The following UNC13C variants were observed in gnomAD, a reference collection of about 807,000 sequenced individuals.
UNC13C encodes unc-13 homolog C, also known as protein unc-13 homolog C.
UNC13C carries 174 observed loss-of-function variants against 245.4 expected under a neutral mutation model. That is an observed-to-expected ratio of 0.71 (90% CI 0.63 to 0.80). The LOEUF is 0.80. Ranked by LOEUF, UNC13C falls within the 30% of genes least tolerant of loss-of-function variation. UNC13C has a pLI of 0.00. For synonymous variants in UNC13C, 992 were observed against 895.1 expected, an observed-to-expected ratio of 1.11 and a Z score of -1.93; for missense variants, 2,829 against 2,602.9, an observed-to-expected ratio of 1.09 and a Z score of -1.89.
chr15:54,120,105 A>G (rs141502118), intron 2 of UNC13C, among the ~76,000 whole-genome samples: 3 of 152,328 alleles, frequency 2.0e-5, no homozygotes, highest in Middle Eastern at 3.4e-3. Flanking sequence ...ACTACACTAA[A>G]CAACAGATTT....
At position 54,088,987 on chromosome 15, in the gene UNC13C, C is replaced by G. The variant is rs1447474120; in HGVS notation, c.2984-54031C>G. Among the ~76,000 whole-genome samples, 6 of 152,166 alleles carry G rather than the reference C, an allele frequency of 3.9e-5. No individual in the cohort carries two copies. The South Asian group carries it at 1.2e-3, about 32-fold the overall frequency. On this transcript the variant is annotated intron_variant, in intron 2 of 32. Coordinates refer to ENST00000260323, the MANE Select transcript of UNC13C (RefSeq NM_001080534.3). ...GAACATCCACATGAAGTTCCAGAAACTTGATGCTGGCCTTGGCAATGTCAT... is the reference window on the plus strand; with the variant it reads ...GAACATCCACATGAAGTTCCAGAAAGTTGATGCTGGCCTTGGCAATGTCAT...
chr15:54,159,562 G>A (rs1156781811), intron 4 of UNC13C, among the ~76,000 whole-genome samples: 1 of 152,128 alleles, frequency 6.6e-6, no homozygotes, highest in Non-Finnish European at 1.5e-5. Context: ...GAACTGCAAA[G>A]AAAAAACAGG....
intron 25 of UNC13C, among the ~76,000 whole-genome samples, chr15:54,526,319 T>C (rs1266512717): frequency 6.6e-6 from 1 of 152,222 alleles, no homozygotes; most frequent in Non-Finnish European, 1.5e-5. Context: ...TTAAAATAGC[T>C]AGGAAAGAAA....
At chr15:54,427,721 A>G (rs1313997756) in intron 19 of UNC13C, among the ~76,000 whole-genome samples, 1 of 151,800 alleles carries the variant, frequency 6.6e-6, no homozygotes, top group Non-Finnish European at 1.5e-5. Context: ...GTAGCTTATT[A>G]TATTTTACTA....
chr15:54,558,505 G>A (rs776920048), intron 29 of UNC13C, among the ~76,000 whole-genome samples: 6 of 151,992 alleles, frequency 3.9e-5, no homozygotes, highest in South Asian at 2.1e-4. Context: ...AAAATACCAC[G>A]TCAATTACTT....
At chr15:54,222,705 AC>A (rs2035261536) in intron 4 of UNC13C, among the ~76,000 whole-genome samples, 2 of 152,090 alleles carry the variant, frequency 1.3e-5, no homozygotes, top group South Asian at 4.1e-4. Flanking sequence ...TTACAATCCC[AC>A]CATCAGTGAA....
intron 2 of UNC13C, among the ~76,000 whole-genome samples, chr15:54,106,510 A>G (rs1054686064): frequency 3.9e-5 from 6 of 152,206 alleles, no homozygotes; most frequent in Non-Finnish European, 7.3e-5. Flanking sequence ...TTTCTCAGTA[A>G]CACTTAAGTA....
chr15:54,115,410 A>C (rs1015090502), intron 2 of UNC13C, among the ~76,000 whole-genome samples: 2 of 152,082 alleles, frequency 1.3e-5, no homozygotes, highest in Admixed American at 6.5e-5. Flanking sequence ...ATTTTATAAT[A>C]AGTCAGTTCC....
intron 30 of UNC13C, among the ~76,000 whole-genome samples, chr15:54,587,271 C>T (rs776122198): frequency 5.3e-5 from 8 of 152,164 alleles, no homozygotes; most frequent in South Asian, 2.1e-4. Context: ...TACACAAATA[C>T]GAGGTGAAAT....
intron 13 of UNC13C, among the ~76,000 whole-genome samples, chr15:54,309,118 A>G (rs2037801075): frequency 6.6e-6 from 1 of 151,868 alleles, no homozygotes; most frequent in South Asian, 2.1e-4. Context: ...TTACATTACC[A>G]TCAACAGTGT....
the UNC13C span, among the ~76,000 whole-genome samples, chr15:53,930,379 A>C: frequency 6.6e-6 from 1 of 152,196 alleles, no homozygotes; most frequent in Non-Finnish European, 1.5e-5. Context: ...GAGGGGAAAT[A>C]ATCTTTACCT....
At chr15:54,496,006 A>G (rs766777776) in intron 20 of UNC13C, among the ~76,000 whole-genome samples, 10 of 152,156 alleles carry the variant, frequency 6.6e-5, no homozygotes, top group Middle Eastern at 6.8e-3. Flanking sequence ...TCTATTATAC[A>G]ACATGGTGAC....
chr15:54,230,006 A>G (rs952252571), intron 4 of UNC13C, among the ~76,000 whole-genome samples: 2 of 152,002 alleles, frequency 1.3e-5, no homozygotes, highest in Non-Finnish European at 2.9e-5. Context: ...CATTTTCTTT[A>G]TCCATTAATC....
At chr15:54,144,259 G>A (rs1212458332) in intron 4 of UNC13C, among the ~76,000 whole-genome samples, 1 of 151,618 alleles carries the variant, frequency 6.6e-6, no homozygotes, top group African/African-American at 2.4e-5. Flanking sequence ...TGGCATGAAT[G>A]TTCATAGGCA....
At chr15:54,160,192 T>C (rs1318196823) in intron 4 of UNC13C, among the ~76,000 whole-genome samples, 2 of 151,842 alleles carry the variant, frequency 1.3e-5, no homozygotes, top group Non-Finnish European at 2.9e-5. Flanking sequence ...GGGAAAAATA[T>C]GAAACGGATA....
intron 28 of UNC13C, 147 bp from the exon 29 acceptor site, chr15:54,555,285 C>T: frequency 7.9e-6 from 5 of 629,824 alleles, no homozygotes; most frequent in Middle Eastern, 3.2e-4. Context: ...AAATATATGA[C>T]AATCATTTTA....
intron 4 of UNC13C, among the ~76,000 whole-genome samples, chr15:54,216,027 A>G (rs1236219452): frequency 6.6e-6 from 1 of 151,960 alleles, no homozygotes; most frequent in African/African-American, 2.4e-5. Context: ...TAAAATTCAC[A>G]ACAAATGTAC....
chr15:54,547,078 A>G (rs1240506574), intron 27 of UNC13C, among the ~76,000 whole-genome samples: 1 of 152,218 alleles, frequency 6.6e-6, no homozygotes, highest in African/African-American at 2.4e-5. Context: ...ACCTCTTAAA[A>G]CATGTATCAA....
At chr15:54,246,786 G>C (rs942394621) in intron 7 of UNC13C, among the ~76,000 whole-genome samples, 1 of 151,990 alleles carries the variant, frequency 6.6e-6, no homozygotes, top group Non-Finnish European at 1.5e-5. Flanking sequence ...GCAGCAGGGA[G>C]AATAGCTAAT....
Sources: allele counts gnomAD v4.1 joint callset (sites outside exome capture counted in the v4.1 genomes callset), GRCh38; gene constraint gnomAD v4.1.1; transcripts MANE v1.5; gene names NCBI Gene and HGNC (gene_info 2026-07-23, HGNC 2026-07-21).